The following LRRC1 variants were observed in gnomAD, a reference collection of about 807,000 sequenced individuals.
LRRC1 encodes the protein leucine-rich repeat-containing protein 1.
A neutral mutation model predicts 69.9 loss-of-function variants in LRRC1; 28 were observed. The ratio of observed to expected loss-of-function variants is 0.40; its 90% CI spans 0.30 to 0.55. The LOEUF (loss-of-function observed/expected upper bound fraction) is 0.55. LRRC1 is among the 20% of genes least tolerant of loss of function. The pLI, the probability that LRRC1 is intolerant of heterozygous loss-of-function variation, is 0.47. For synonymous variants in LRRC1, 236 were observed against 240.2 expected, an observed-to-expected ratio of 0.98 and a Z score of 0.16; for missense variants, 498 against 609.0, an observed-to-expected ratio of 0.82 and a Z score of 1.92.
chr6:53,807,655 G>A (rs990053857), intron 1 of LRRC1, among the ~76,000 whole-genome samples: 2 of 149,428 alleles, frequency 1.3e-5, no homozygotes, highest in African/African-American at 2.5e-5. Flanking sequence ...TGAGGCAGAA[G>A]AATTGCTTGA....
chr6:53,877,656 C>T (rs1389682043), intron 2 of LRRC1, among the ~76,000 whole-genome samples: 2 of 152,266 alleles, frequency 1.3e-5, no homozygotes, highest in Middle Eastern at 6.8e-3. Context: ...AAAATGCTGC[C>T]AGTCTCTTTG....
intron 4 of LRRC1, among the ~76,000 whole-genome samples, chr6:53,892,194 T>A (rs768694441): frequency 1.3e-5 from 2 of 152,134 alleles, no homozygotes; most frequent in Non-Finnish European, 2.9e-5. Context: ...CTTGGCAATT[T>A]TGTGAGACCT....
chr6:53,805,207 C>T (rs1191599167), intron 1 of LRRC1, among the ~76,000 whole-genome samples: 1 of 152,046 alleles, frequency 6.6e-6, no homozygotes, highest in Admixed American at 6.6e-5. Context: ...TGCTATGGGC[C>T]CTTGTCAGAG....
intron 13 of LRRC1, among the ~76,000 whole-genome samples, chr6:53,921,529 T>C (rs1395518682): frequency 2.0e-5 from 3 of 152,182 alleles, no homozygotes; most frequent in African/African-American, 7.2e-5. Flanking sequence ...GTTAACAAGT[T>C]TTTGTTCAGA....
chr6:53,900,355 G>A (rs1354218011), intron 8 of LRRC1, among the ~76,000 whole-genome samples: 1 of 152,090 alleles, frequency 6.6e-6, no homozygotes, highest in African/African-American at 2.4e-5. Context: ...TGTTTTTAAA[G>A]AAGGAAAGCA....
intron 1 of LRRC1, among the ~76,000 whole-genome samples, chr6:53,830,199 G>A (rs531336552): frequency 5.3e-5 from 8 of 152,232 alleles, no homozygotes; most frequent in Non-Finnish European, 1.2e-4. Context: ...ATCTTACGTA[G>A]GTTGTTGGTA....
intron 2 of LRRC1, among the ~76,000 whole-genome samples, chr6:53,844,153 A>G (rs531098066): frequency 6.6e-6 from 1 of 152,312 alleles, no homozygotes; most frequent in South Asian, 2.1e-4. Context: ...ACTAGCCTGT[A>G]TAATACTTTC....
chr6:53,907,392 G>C (rs1003853697), intron 10 of LRRC1, among the ~76,000 whole-genome samples: 1 of 151,968 alleles, frequency 6.6e-6, no homozygotes, highest in Non-Finnish European at 1.5e-5. Context: ...GCCAGTTTTA[G>C]GGCACAGCTC....
intron 4 of LRRC1, among the ~76,000 whole-genome samples, chr6:53,892,359 A>T (rs1767733495): frequency 6.6e-6 from 1 of 152,218 alleles, no homozygotes; most frequent in Admixed American, 6.5e-5. Context: ...TCGCATTTGT[A>T]AAAGTTTTAG....
At chr6:53,868,192 T>C (rs1766769322) in intron 2 of LRRC1, among the ~76,000 whole-genome samples, 1 of 151,912 alleles carries the variant, frequency 6.6e-6, no homozygotes, top group Non-Finnish European at 1.5e-5. Flanking sequence ...GCAAAAACCC[T>C]CTAAATGTTA....
chr6:53,796,673 A>T (rs1764312740), intron 1 of LRRC1, among the ~76,000 whole-genome samples: 1 of 152,176 alleles, frequency 6.6e-6, no homozygotes, highest in Non-Finnish European at 1.5e-5. Flanking sequence ...TCCTGGGTTC[A>T]TGTGGAATTG....
chr6:53,892,011 T>TACACACACACACAC (rs70980877), intron 4 of LRRC1, among the ~76,000 whole-genome samples: 2,085 of 135,266 alleles, frequency 0.015, 27 homozygotes, highest in East Asian at 0.038. Flanking sequence ...TATATATATA[T>TACACACACACACAC]ACACACACAC....
chr6:53,900,020 GTTTTTTTTTTTTTTT>G lies in LRRC1; in HGVS notation c.787+148_787+162del, dbSNP rs869246243. The G allele has an allele frequency of 4.9e-3, 925 of 190,278 alleles. 6 individuals are homozygous for G. The highest frequency in any genetic ancestry group is 0.029 in the African/African-American group (624 of 21,506). 11.8% of individuals were successfully genotyped at this position (190,278 alleles called of 1,614,324 possible). A position where few individuals can be genotyped will look rare whatever the true frequency, so the allele number is the denominator to read the frequency against. On this transcript the variant is annotated intron_variant, in intron 8 of 13. Transcript: ENST00000370888. ...TGTGGCTCCTTAAAGTCTCCTTACT[GTTTTTTTTTTTTTTT>G]TTTTTTTTTTTTTTTTTTCTGAGAT...
chr6:53,911,858 T>G (rs770637133), intron 10 of LRRC1, among the ~76,000 whole-genome samples: 1 of 152,218 alleles, frequency 6.6e-6, no homozygotes, highest in Non-Finnish European at 1.5e-5. Context: ...ATGATATTTC[T>G]GGGCACCTAG....
At chr6:53,922,598 AT>A in intron 13 of LRRC1, 36 bp from the exon 14 acceptor site, 1 of 1,571,006 alleles carries the variant, frequency 6.4e-7, no homozygotes, top group South Asian at 1.2e-5. Context: ...AAGTAGTGGA[AT>A]AAAACCAAAA....
At chr6:53,878,548 T>C (rs1767151325) in intron 2 of LRRC1, among the ~76,000 whole-genome samples, 1 of 152,144 alleles carries the variant, frequency 6.6e-6, no homozygotes, top group Non-Finnish European at 1.5e-5. Flanking sequence ...CATGCTCTTA[T>C]GAGAATCTAA....
intron 1 of LRRC1, among the ~76,000 whole-genome samples, chr6:53,831,648 G>A (rs1321804933): frequency 6.6e-6 from 1 of 152,168 alleles, no homozygotes; most frequent in South Asian, 2.1e-4. Context: ...AAGAGATAAA[G>A]TCCTTTTCTT....
At chr6:53,813,035 G>A (rs1222104260) in intron 1 of LRRC1, among the ~76,000 whole-genome samples, 2 of 152,104 alleles carry the variant, frequency 1.3e-5, no homozygotes, top group African/African-American at 4.8e-5. Context: ...CTGGATGAGA[G>A]GGTGGGATGG....
chr6:53,860,862 C>G (rs961712022), intron 2 of LRRC1, among the ~76,000 whole-genome samples: 1 of 152,070 alleles, frequency 6.6e-6, no homozygotes, highest in African/African-American at 2.4e-5. Flanking sequence ...TTGTCAGATA[C>G]CACACTAAAA....
Sources: allele counts gnomAD v4.1 joint callset (sites outside exome capture counted in the v4.1 genomes callset), GRCh38; gene constraint gnomAD v4.1.1; transcripts MANE v1.5; gene names NCBI Gene and HGNC (gene_info 2026-07-23, HGNC 2026-07-21).